Variants in NBAS observed in about 807,000 individuals in gnomAD.
NBAS encodes the protein NAG/BC035112 fusion.
Under a neutral mutation model 302.5 loss-of-function variants are expected in NBAS, and 219 were observed. The ratio of observed to expected loss-of-function variants is 0.72; its 90% CI spans 0.65 to 0.81. The LOEUF (loss-of-function observed/expected upper bound fraction) is 0.81, where lower values mean the gene tolerates loss of function less well. Among genes scored for constraint, NBAS ranks in the 30% least tolerant of loss-of-function variants. NBAS has a pLI of 0.00. For missense variants in NBAS, 2,932 were observed against 2,841.6 expected, an observed-to-expected ratio of 1.03 and a Z score of -0.72; for synonymous variants, 1,118 against 1,021.6, an observed-to-expected ratio of 1.09 and a Z score of -1.80.
the NBAS span, among the ~76,000 whole-genome samples, chr2:14,803,708 G>C: frequency 6.6e-6 from 1 of 152,152 alleles, no homozygotes; most frequent in Admixed American, 6.5e-5. Flanking sequence ...GGAGTGCAAT[G>C]GCACAATCTT....
intron 35 of NBAS, among the ~76,000 whole-genome samples, chr2:15,336,213 C>T (rs1306421204): frequency 6.6e-6 from 1 of 152,130 alleles, no homozygotes; most frequent in African/African-American, 2.4e-5. Context: ...CTTCTACCCA[C>T]TCAAATATTA....
rs756343556 is a variant in NBAS at position 15,473,226 on chromosome 2, T to C, written c.1721A>G (p.Tyr574Cys). The stretch of plus-strand genomic sequence containing the variant: ...TACCAAAATATTTAAACATACCAAA[T>C]AATTCTGAATTGAAGCAACGTTGAC... ...SAVNVASIQN[Y>C]LSKIKKRSWV... Residue 574 changes from tyrosine (Y) to cysteine (C), a missense_variant, in exon 16 of 52, where the codon TAT becomes TGT. Physicochemically the swap from Tyr to Cys is radical, Grantham distance 194. Transcript: ENST00000281513. 3.1e-6 allele frequency: 5 copies of C among 1,613,804 alleles called. No homozygotes were observed. The East Asian group carries it at 1.1e-4, about 36-fold the overall frequency.
chr2:14,803,385 C>A, the NBAS span, among the ~76,000 whole-genome samples: 1 of 152,108 alleles, frequency 6.6e-6, no homozygotes, highest in Admixed American at 6.6e-5. Flanking sequence ...TCTCTTTGTG[C>A]AGCTCTATTT....
the NBAS span, among the ~76,000 whole-genome samples, chr2:14,931,600 A>G: frequency 6.6e-6 from 1 of 152,216 alleles, no homozygotes; most frequent in African/African-American, 2.4e-5. Context: ...CTGTGTTACA[A>G]ATAACAGCAA....
chr2:14,854,304 A>G, the NBAS span, among the ~76,000 whole-genome samples: 7,919 of 151,902 alleles, frequency 0.052, 693 homozygotes, highest in African/African-American at 0.18. Context: ...CAAAATTAGT[A>G]AAAGAAAAGA....
At chr2:15,397,461 G>T in intron 26 of NBAS, 1 of 495,536 alleles carries the variant, frequency 2.0e-6, no homozygotes, top group African/African-American at 2.0e-5. Context: ...GGGGGTTGTG[G>T]GGCAGCACCC....
At chr2:15,340,241 A>G (rs1431488503) in intron 35 of NBAS, among the ~76,000 whole-genome samples, 1 of 152,190 alleles carries the variant, frequency 6.6e-6, no homozygotes, top group Non-Finnish European at 1.5e-5. Context: ...TATGATGATA[A>G]TCTGACCTGG....
chr2:14,803,020 C>T, the NBAS span, among the ~76,000 whole-genome samples: 1 of 150,638 alleles, frequency 6.6e-6, no homozygotes, highest in Admixed American at 6.6e-5. Context: ...GCACATGTAC[C>T]CTAAAACTTA....
At chr2:15,513,339 G>A (rs1662231636) in intron 9 of NBAS, among the ~76,000 whole-genome samples, 1 of 152,046 alleles carries the variant, frequency 6.6e-6, no homozygotes, top group South Asian at 2.1e-4. Context: ...TGCTCACCAG[G>A]GCAAAAGAGA....
intron 51 of NBAS, 62 bp from the exon 52 acceptor site, chr2:15,167,385 A>G: frequency 6.3e-7 from 1 of 1,586,352 alleles, no homozygotes; most frequent in Non-Finnish European, 8.6e-7. Flanking sequence ...TCCCCCTTGG[A>G]TCCCTCGCTC....
At chr2:15,193,832 T>G (rs770695803) in intron 48 of NBAS, among the ~76,000 whole-genome samples, 5 of 152,026 alleles carry the variant, frequency 3.3e-5, no homozygotes, top group Non-Finnish European at 7.4e-5. Context: ...CTGAACAACA[T>G]GGCTTATCCA....
At chr2:14,930,369 A>C in the NBAS span, among the ~76,000 whole-genome samples, 1 of 152,324 alleles carries the variant, frequency 6.6e-6, no homozygotes, top group Non-Finnish European at 1.5e-5. Context: ...GGAGTGTGGA[A>C]GCATGGAATA....
At chr2:15,287,979 C>T (rs1267201432) in intron 41 of NBAS, among the ~76,000 whole-genome samples, 1 of 152,012 alleles carries the variant, frequency 6.6e-6, no homozygotes, top group Non-Finnish European at 1.5e-5. Flanking sequence ...GCGTAGGCAG[C>T]CCCGCATGGG....
the NBAS span, among the ~76,000 whole-genome samples, chr2:14,882,562 T>C: frequency 6.6e-6 from 1 of 152,120 alleles, no homozygotes. Flanking sequence ...GCCAGCTACC[T>C]AGAAGGGAAG....
intron 11 of NBAS, among the ~76,000 whole-genome samples, chr2:15,500,113 A>G (rs13009246): frequency 0.58 from 88,144 of 152,002 alleles, 26,887 homozygotes; most frequent in Non-Finnish European, 0.68. Context: ...AGGGTTTTTA[A>G]GAATATTAAA....
chr2:15,358,341 C>T (rs1184924826), intron 32 of NBAS, among the ~76,000 whole-genome samples: 2 of 152,074 alleles, frequency 1.3e-5, no homozygotes, highest in Non-Finnish European at 2.9e-5. Context: ...TGCTTGAGCC[C>T]AAACCCTAAA....
chr2:15,394,688 T>C (rs879878802), intron 27 of NBAS, among the ~76,000 whole-genome samples: 12 of 152,138 alleles, frequency 7.9e-5, no homozygotes, highest in African/African-American at 2.9e-4. Flanking sequence ...TTAACTCTTA[T>C]TAATCCTATT....
At chr2:14,830,438 G>C in the NBAS span, among the ~76,000 whole-genome samples, 2 of 151,932 alleles carry the variant, frequency 1.3e-5, no homozygotes, top group Non-Finnish European at 2.9e-5. Flanking sequence ...CCCTCCCCTG[G>C]GTCAGTAAAC....
chr2:14,900,064 T>C, the NBAS span, among the ~76,000 whole-genome samples: 1 of 151,192 alleles, frequency 6.6e-6, no homozygotes, highest in African/African-American at 2.4e-5. Context: ...CAAAAAGTGG[T>C]TAGAAAGAAT....
Sources: allele counts gnomAD v4.1 joint callset (sites outside exome capture counted in the v4.1 genomes callset), GRCh38; gene constraint gnomAD v4.1.1; transcripts MANE v1.5; gene names NCBI Gene and HGNC (gene_info 2026-07-23, HGNC 2026-07-21).